XG: variants seen among roughly 807,000 people sequenced by gnomAD.
XG encodes Xg glycoprotein (Xg blood group), also known as glycoprotein Xg.
A neutral mutation model predicts 25.7 loss-of-function variants in XG; 24 were observed. That is an observed-to-expected ratio of 0.93 (90% CI 0.68 to 1.31). The LOEUF (loss-of-function observed/expected upper bound fraction) is 1.31. Among genes scored for constraint, XG ranks in the 40% most tolerant of loss-of-function variants. The pLI, the probability that XG is intolerant of heterozygous loss-of-function variation, is 0.00. For missense variants in XG, 181 were observed against 187.6 expected, an observed-to-expected ratio of 0.96 and a Z score of 0.21; for synonymous variants, 77 against 69.2, an observed-to-expected ratio of 1.11 and a Z score of -0.56.
At chrX:2,768,957 A>T (rs747971271) in intron 1 of XG, among the ~76,000 whole-genome samples, 2 of 152,192 alleles carry the variant, frequency 1.3e-5, no homozygotes, top group African/African-American at 4.8e-5. Context: ...TTGACCTGTG[A>T]TGGCACCGCC....
chrX:2,793,241 A>G (rs1458983615), intron 5 of XG, among the ~76,000 whole-genome samples: 2 of 111,846 alleles, frequency 1.8e-5, no homozygotes, highest in Admixed American at 1.9e-4. Context: ...CCCTAGAGTG[A>G]CAATGGTGCA....
intron 1 of XG, among the ~76,000 whole-genome samples, chrX:2,764,681 T>C (rs889015724): frequency 1.9e-4 from 29 of 151,990 alleles, no homozygotes; most frequent in Admixed American, 1.4e-3. Flanking sequence ...CTGCAGCAGC[T>C]GACCCAAGAA....
Position 2,766,702 on chromosome X carries a change from C to T in XG, c.62-3848C>T, listed in dbSNP as rs865907949. Among the ~76,000 whole-genome samples, 52 of 150,026 alleles carry T rather than the reference C, an allele frequency of 3.5e-4. No homozygotes were observed. The South Asian group carries it at 0.01, about 30-fold the overall frequency. On this transcript the variant is annotated intron_variant, in intron 1 of 10. Coordinates refer to ENST00000644266, the MANE Select transcript of XG (RefSeq NM_001141919.2). ...GCCTCAGCCTCCCGAGTAGCTGGGA[C>T]TACAGGCGCCCGCCACCACACCCGG...
At chrX:2,770,967 C>T (rs2050805573) in intron 2 of XG, among the ~76,000 whole-genome samples, 2 of 152,088 alleles carry the variant, frequency 1.3e-5, no homozygotes, top group Non-Finnish European at 2.9e-5. Flanking sequence ...CCACCTCAGC[C>T]TCCCAAGTAG....
chrX:2,799,755 GGGGAGGCA>G (rs1356557221), intron 7 of XG, among the ~76,000 whole-genome samples: 1 of 111,544 alleles, frequency 9.0e-6, no homozygotes, highest in Non-Finnish European at 1.9e-5. Flanking sequence ...GAACCAAAAG[GGGGAGGCA>G]GGTTTGTGTG....
intron 3 of XG, among the ~76,000 whole-genome samples, chrX:2,775,224 C>G (rs763726671): frequency 3.8e-4 from 58 of 152,272 alleles, no homozygotes; most frequent in African/African-American, 1.3e-3. Context: ...AGAAATAACT[C>G]ACATGTTAAT....
At chrX:2,756,102 A>G (rs746863498) in intron 1 of XG, among the ~76,000 whole-genome samples, 2 of 152,352 alleles carry the variant, frequency 1.3e-5, no homozygotes, top group Admixed American at 1.3e-4. Context: ...TATGATGATT[A>G]CTAAATTATC....
intron 4 of XG, among the ~76,000 whole-genome samples, chrX:2,786,535 T>C (rs2086786455): frequency 9.1e-6 from 1 of 110,402 alleles, no homozygotes; most frequent in Admixed American, 9.8e-5. Flanking sequence ...CCCAAAATGC[T>C]GGGATTACAG....
chrX:2,801,788 A>G (rs1248635019), intron 7 of XG, among the ~76,000 whole-genome samples: 2 of 110,486 alleles, frequency 1.8e-5, no homozygotes, highest in East Asian at 2.8e-4. Flanking sequence ...GGCTCACTGC[A>G]AGCTCCGCCT....
At chrX:2,797,246 C>T in intron 6 of XG, 64 bp from the exon 7 acceptor site, 39 of 1,143,475 alleles carry the variant, frequency 3.4e-5, no homozygotes, top group Non-Finnish European at 4.5e-5. Flanking sequence ...CAGACCAACA[C>T]CTGCAGGAAA....
intron 3 of XG, chrX:2,775,084 A>T (rs768890599): frequency 3.6e-4 from 118 of 324,192 alleles, no homozygotes; most frequent in African/African-American, 2.1e-3. Context: ...CCAAAAGTTA[A>T]ATACAGGATT....
intron 1 of XG, among the ~76,000 whole-genome samples, chrX:2,764,274 G>A (rs2050627446): frequency 6.6e-6 from 1 of 152,130 alleles, no homozygotes; most frequent in African/African-American, 2.4e-5. Context: ...ATACAAATGG[G>A]CAACCAGTGG....
At chrX:2,782,777 C>T (rs1236069002) in intron 4 of XG, among the ~76,000 whole-genome samples, 2 of 111,574 alleles carry the variant, frequency 1.8e-5, no homozygotes, top group African/African-American at 6.5e-5. Flanking sequence ...TGGGGAGGTT[C>T]AGACTCTTGC....
At chrX:2,807,126 C>T (rs1172379460) in intron 8 of XG, among the ~76,000 whole-genome samples, 1 of 13,536 alleles carries the variant, frequency 7.4e-5, no homozygotes, top group Non-Finnish European at 3.4e-4. Flanking sequence ...TGCATGTGTG[C>T]AAGTGTCTGT....
chrX:2,797,796 C>T (rs999437976), intron 7 of XG, among the ~76,000 whole-genome samples: 20 of 111,247 alleles, frequency 1.8e-4, no homozygotes, highest in African/African-American at 6.5e-4. Context: ...CTTTGGGAGG[C>T]TGAGGTGGGA....
rs190819059 is a variant in XG at position 2,781,698 on chromosome X, G to C, written c.128-368G>C. On this transcript the variant is annotated intron_variant, in intron 3 of 10. Transcript: ENST00000644266. ...AACCCAGTTGGGTCCGGGAACAGAAGGTTTGGTGTTATCTTCATCACAGGC... is the reference window on the plus strand; with the variant it reads ...AACCCAGTTGGGTCCGGGAACAGAACGTTTGGTGTTATCTTCATCACAGGC... Among the ~76,000 whole-genome samples the C allele has an allele frequency of 1.3e-4, 14 of 111,816 alleles. No homozygotes were observed. In the South Asian group the frequency reaches 2.3e-3, roughly 18 times the overall value.
intron 1 of XG, among the ~76,000 whole-genome samples, chrX:2,763,499 G>C (rs1333218266): frequency 6.6e-6 from 1 of 151,908 alleles, no homozygotes; most frequent in Non-Finnish European, 1.5e-5. Context: ...GGTGGAAGGG[G>C]GGTGAGGGGA....
At chrX:2,763,294 G>T (rs1314156114) in intron 1 of XG, among the ~76,000 whole-genome samples, 8 of 152,154 alleles carry the variant, frequency 5.3e-5, no homozygotes, top group Non-Finnish European at 8.8e-5. Context: ...GATTGCGGGT[G>T]TGAGCCACCA....
At chrX:2,764,032 A>C (rs1361773281) in intron 1 of XG, among the ~76,000 whole-genome samples, 1 of 152,156 alleles carries the variant, frequency 6.6e-6, no homozygotes, top group Admixed American at 6.5e-5. Context: ...CACAAGAAAC[A>C]AGTCATAAAG....
Sources: gnomAD v4.1 joint callset for allele counts (sites outside exome capture counted in the v4.1 genomes callset) on GRCh38, gnomAD v4.1.1 for gene constraint, MANE v1.5 for transcripts, NCBI Gene and HGNC (gene_info 2026-07-23, HGNC 2026-07-21) for gene names.